The following MYO16 variants were observed in gnomAD, a reference collection of about 807,000 sequenced individuals.
The protein encoded by MYO16 is myosin XVI, also known as unconventional myosin-XVI.
In MYO16, 94 loss-of-function variants were observed where a neutral mutation model predicts 205.3. The ratio of observed to expected loss-of-function variants is 0.46; its 90% CI spans 0.39 to 0.54. The LOEUF (loss-of-function observed/expected upper bound fraction) is 0.54. MYO16 is among the 20% of genes least tolerant of loss of function. The pLI, the probability that MYO16 is intolerant of heterozygous loss-of-function variation, is 0.00. For synonymous variants in MYO16, 988 were observed against 954.0 expected (o/e 1.04, Z -0.66); for missense variants, 2,315 against 2,387.5 (o/e 0.97, Z 0.63).
intron 7 of MYO16, among the ~76,000 whole-genome samples, chr13:108,807,185 T>A (rs1887141427): frequency 6.6e-6 from 1 of 152,232 alleles, no homozygotes; most frequent in Admixed American, 6.5e-5. Context: ...AGTAACTTAG[T>A]TTTACACTAT....
intron 1 of MYO16, among the ~76,000 whole-genome samples, chr13:108,656,529 C>A (rs1881252925): frequency 6.6e-6 from 1 of 152,070 alleles, no homozygotes; most frequent in African/African-American, 2.4e-5. Context: ...TTCCATATTC[C>A]AAATGTCTGA....
intron 27 of MYO16, among the ~76,000 whole-genome samples, chr13:109,058,575 A>G (rs1887487072): frequency 6.6e-6 from 1 of 152,198 alleles, no homozygotes; most frequent in Non-Finnish European, 1.5e-5. Context: ...CTTAATTTTA[A>G]AATATTTTTT....
intron 1 of MYO16, among the ~76,000 whole-genome samples, chr13:108,616,198 A>G (rs1488182660): frequency 6.6e-6 from 1 of 152,224 alleles, no homozygotes; most frequent in Non-Finnish European, 1.5e-5. Flanking sequence ...TAGTCTTTCT[A>G]TAACTAGTTT....
intron 34 of MYO16, among the ~76,000 whole-genome samples, chr13:109,194,647 T>G (rs989351053): frequency 1.3e-5 from 2 of 152,114 alleles, no homozygotes; most frequent in Admixed American, 6.5e-5. Context: ...TCCACATATA[T>G]CTGGTTGGGT....
intron 12 of MYO16, among the ~76,000 whole-genome samples, chr13:108,873,604 TGCCAACCACCAGGACAGGGTCCAG>T (rs1879176181): frequency 6.6e-6 from 1 of 151,828 alleles, no homozygotes; most frequent in Admixed American, 6.6e-5. Context: ...ACAGGGTCCA[TGCCAACCACCAGGACAGGGTCCAG>T]GCCAACCAAC....
chr13:108,854,444 A>G (rs898166591), intron 10 of MYO16, among the ~76,000 whole-genome samples: 23 of 152,138 alleles, frequency 1.5e-4, no homozygotes, highest in African/African-American at 5.3e-4. Flanking sequence ...GATGTTTAGT[A>G]TTTTTTACAC....
At chr13:109,163,686 G>A (rs1878501347) in intron 32 of MYO16, among the ~76,000 whole-genome samples, 1 of 151,990 alleles carries the variant, frequency 6.6e-6, no homozygotes, top group Admixed American at 6.6e-5. Context: ...AATCCAATTT[G>A]TCTTTTAATG....
intron 7 of MYO16, among the ~76,000 whole-genome samples, chr13:108,815,845 T>C (rs1875554636): frequency 6.6e-6 from 1 of 152,196 alleles, no homozygotes; most frequent in African/African-American, 2.4e-5. Context: ...CTTGAAGGAA[T>C]AAGACACAGA....
intron 34 of MYO16, among the ~76,000 whole-genome samples, chr13:109,189,531 T>G (rs1879824106): frequency 6.6e-6 from 1 of 152,242 alleles, no homozygotes; most frequent in African/African-American, 2.4e-5. Flanking sequence ...TATGAACATC[T>G]AATTTCAGTC....
At chr13:108,704,938 CA>C (rs111486703) in intron 2 of MYO16, among the ~76,000 whole-genome samples, 65,201 of 142,642 alleles carry the variant, frequency 0.46, 14,709 homozygotes, top group African/African-American at 0.53. Flanking sequence ...GCTAAACTGA[CA>C]AAAAAAAAAA....
At chr13:108,642,156 C>T (rs1289661039) in intron 1 of MYO16, among the ~76,000 whole-genome samples, 1 of 152,182 alleles carries the variant, frequency 6.6e-6, no homozygotes, top group African/African-American at 2.4e-5. Context: ...AATAACTTCT[C>T]CTTACCGTTA....
At chr13:108,523,942 A>C in the MYO16 span, among the ~76,000 whole-genome samples, 2 of 152,214 alleles carry the variant, frequency 1.3e-5, no homozygotes, top group African/African-American at 2.4e-5. Flanking sequence ...ATGGTTTAGC[A>C]CCATCCTTTT....
intron 12 of MYO16, among the ~76,000 whole-genome samples, chr13:108,875,264 G>A (rs148832896): frequency 1.4e-4 from 21 of 152,290 alleles, no homozygotes; most frequent in African/African-American, 4.8e-4. Flanking sequence ...AGGTGGGGAA[G>A]GAAGTGTCTG....
intron 10 of MYO16, 152 bp from the exon 11 acceptor site, chr13:108,855,289 TTC>T: frequency 7.3e-6 from 3 of 410,668 alleles, no homozygotes; most frequent in South Asian, 1.4e-4. Flanking sequence ...TTTTTTTTTT[TTC>T]TTTTTCATTG....
Position 109,181,453 on chromosome 13 carries a change from C to G in MYO16, c.5415+1820C>G, listed in dbSNP as rs10467299. ...GGGAACCAGCTTTTTAGCTTTTCTACTAATGCAATTAAATAGAAATTCTAT... is the reference window on the plus strand; with the variant it reads ...GGGAACCAGCTTTTTAGCTTTTCTAGTAATGCAATTAAATAGAAATTCTAT... On this transcript the variant is annotated intron_variant, in intron 34 of 34. Transcript: ENST00000457511. Among the ~76,000 whole-genome samples the G allele has an allele frequency of 9.7e-3, 1,473 of 152,304 alleles. 16 individuals are homozygous for G. The highest frequency in any genetic ancestry group is 0.054 in the Middle Eastern group (16 of 294).
At chr13:108,663,797 G>A (rs1244451443) in intron 1 of MYO16, among the ~76,000 whole-genome samples, 1 of 152,142 alleles carries the variant, frequency 6.6e-6, no homozygotes, top group Non-Finnish European at 1.5e-5. Flanking sequence ...ATCAACACAT[G>A]GCACTCTGTG....
chr13:108,738,919 G>C (rs1397215688), intron 4 of MYO16, among the ~76,000 whole-genome samples: 2 of 152,046 alleles, frequency 1.3e-5, no homozygotes, highest in African/African-American at 4.8e-5. Flanking sequence ...TTTGATCTTT[G>C]TTGGTTTAAG....
At chr13:108,907,473 C>G (rs933868713) in intron 15 of MYO16, among the ~76,000 whole-genome samples, 4 of 152,112 alleles carry the variant, frequency 2.6e-5, no homozygotes, top group Non-Finnish European at 5.9e-5. Context: ...ATGAATGCGT[C>G]CTGAAACCTT....
Position 109,162,256 on chromosome 13 carries a change from C to T in MYO16, c.5165-2645C>T, listed in dbSNP as rs1224106821. ...GTGAGGGAGGCCAGCCTGAAGTACTCAGACTGAGAGTCAGCAAGTGCCTTA... is the reference window on the plus strand; with the variant it reads ...GTGAGGGAGGCCAGCCTGAAGTACTTAGACTGAGAGTCAGCAAGTGCCTTA... On this transcript the variant is annotated intron_variant, in intron 32 of 34. Coordinates refer to ENST00000457511, the MANE Select transcript of MYO16 (RefSeq NM_001198950.3). This position sits in a 1 kb window ranked among gnomAD's most constrained non-coding sequence, Gnocchi z 4.6. Among the ~76,000 whole-genome samples the T allele has an allele frequency of 6.6e-6, 1 of 152,206 alleles. No individual in the cohort carries two copies. Among genetic ancestry groups the T allele is most frequent in the African/African-American group, 2.4e-5 (1 of 41,444 alleles).
Sources: allele counts gnomAD v4.1 joint callset (sites outside exome capture counted in the v4.1 genomes callset), GRCh38; gene constraint gnomAD v4.1.1; non-coding constraint Gnocchi (gnomAD v3.1); transcripts MANE v1.5; gene names NCBI Gene and HGNC (gene_info 2026-07-23, HGNC 2026-07-21).